Variants in TTLL7 observed in about 807,000 individuals in gnomAD.
The protein encoded by TTLL7 is tubulin tyrosine ligase like 7.
Under a neutral mutation model 120.2 loss-of-function variants are expected in TTLL7, and 53 were observed. That is an observed-to-expected ratio of 0.44 (90% CI 0.35 to 0.55). The LOEUF is 0.55. TTLL7 is among the 20% of genes least tolerant of loss of function. TTLL7 has a pLI of 0.00. For synonymous variants in TTLL7, 353 were observed against 351.7 expected, an observed-to-expected ratio of 1.00 and a Z score of -0.04; for missense variants, 803 against 1,054.7, an observed-to-expected ratio of 0.76 and a Z score of 3.31.
chr1:83,892,447 A>AACATAT (rs1557564118), intron 18 of TTLL7, among the ~76,000 whole-genome samples: 1 of 56,520 alleles, frequency 1.8e-5, no homozygotes, highest in African/African-American at 9.1e-5. Flanking sequence ...TGAACATATG[A>AACATAT]ATGAACATAT....
chr1:83,885,323 T>C (rs1654886319), intron 19 of TTLL7, among the ~76,000 whole-genome samples: 1 of 152,050 alleles, frequency 6.6e-6, no homozygotes, highest in African/African-American at 2.4e-5. Flanking sequence ...TCTGGAGCTA[T>C]TTGATCAGAT....
At chr1:83,988,702 G>A (rs369243147) in intron 1 of TTLL7, among the ~76,000 whole-genome samples, 3 of 151,700 alleles carry the variant, frequency 2.0e-5, no homozygotes, top group South Asian at 2.1e-4. Flanking sequence ...GTGTCTGTTC[G>A]TGTCTTTGGC....
intron 19 of TTLL7, among the ~76,000 whole-genome samples, chr1:83,885,752 C>G (rs912509445): frequency 6.6e-6 from 1 of 152,090 alleles, no homozygotes; most frequent in Non-Finnish European, 1.5e-5. Flanking sequence ...CTACCTGCCA[C>G]CTGGCATAGC....
chr1:83,913,791 C>A (rs896195387), intron 14 of TTLL7, among the ~76,000 whole-genome samples: 9 of 143,574 alleles, frequency 6.3e-5, no homozygotes, highest in African/African-American at 2.2e-4. Flanking sequence ...AAAGTGAATT[C>A]TTCTTCCTCC....
At position 83,914,427 on chromosome 1, in the gene TTLL7, G is replaced by A. The variant is rs6669177; in HGVS notation, c.1588-3064C>T. Reference sequence around the variant, plus strand: ...GCTCATTGCAACCTCTGCCTCCCACGTTCAAGCAATTCTCCTGCTTCAGCC... The same window carrying A: ...GCTCATTGCAACCTCTGCCTCCCACATTCAAGCAATTCTCCTGCTTCAGCC... On this transcript the variant is annotated intron_variant, in intron 14 of 20. Coordinates refer to ENST00000260505, the MANE Select transcript of TTLL7 (RefSeq NM_024686.6). 8.0e-3 allele frequency among the ~76,000 whole-genome samples: 1,080 copies of A among 135,038 alleles called. 21 individuals carry two copies. Among genetic ancestry groups the A allele is most frequent in the African/African-American group, 0.028 (1,031 of 36,184 alleles). 88.6% of individuals were successfully genotyped at this position (135,038 alleles called of 152,430 possible).
rs192270074 is a variant in TTLL7, at chr1:83,875,307, T to A, written c.2544-5225A>T. On this transcript the variant is annotated intron_variant, in intron 20 of 20. Coordinates refer to ENST00000260505, the MANE Select transcript of TTLL7 (RefSeq NM_024686.6). ...GACACAATATATATTCCTTTGTATCTGGCTTATTTTGCTTAACTTTATGTT... is the reference window on the plus strand; with the variant it reads ...GACACAATATATATTCCTTTGTATCAGGCTTATTTTGCTTAACTTTATGTT... Among the ~76,000 whole-genome samples, 295 of 152,124 alleles carry A rather than the reference T, an allele frequency of 1.9e-3. 1 individual carries two copies. Among genetic ancestry groups the A allele is most frequent in the Non-Finnish European group, 3.2e-3 (218 of 67,870 alleles).
chr1:83,946,272 C>G (rs6685344), intron 6 of TTLL7: 65,536 of 151,882 alleles, frequency 0.43, 15,589 homozygotes, highest in Non-Finnish European at 0.54. Context: ...AGGATGGTCT[C>G]GATCTCCTGT....
chr1:83,901,294 T>A (rs375036973), intron 18 of TTLL7, among the ~76,000 whole-genome samples: 1 of 151,984 alleles, frequency 6.6e-6, no homozygotes, highest in Non-Finnish European at 1.5e-5. Flanking sequence ...TTTTTAATAT[T>A]TTCTTTTTTA....
At chr1:83,914,576 T>C (rs1476111209) in intron 14 of TTLL7, among the ~76,000 whole-genome samples, 2 of 152,072 alleles carry the variant, frequency 1.3e-5, no homozygotes, top group Non-Finnish European at 2.9e-5. Flanking sequence ...GTGATCCGCC[T>C]GCCTTGGCCT....
intron 1 of TTLL7, among the ~76,000 whole-genome samples, chr1:83,989,385 A>T (rs757858453): frequency 6.6e-6 from 1 of 152,148 alleles, no homozygotes; most frequent in Non-Finnish European, 1.5e-5. Flanking sequence ...TTTTCTGCAT[A>T]TGGCTAGCCA....
chr1:83,967,832 G>A (rs926281164), intron 1 of TTLL7, among the ~76,000 whole-genome samples: 1 of 151,826 alleles, frequency 6.6e-6, no homozygotes, highest in African/African-American at 2.4e-5. Context: ...GCTGGAATGA[G>A]GAGTTCAGCA....
chr1:83,981,951 C>A (rs6687372), intron 1 of TTLL7, among the ~76,000 whole-genome samples: 4 of 151,910 alleles, frequency 2.6e-5, no homozygotes, highest in Admixed American at 2.0e-4. Flanking sequence ...TACCATCAAC[C>A]AGTAGGCTAT....
chr1:83,975,078 C>G (rs1337785933), intron 1 of TTLL7, among the ~76,000 whole-genome samples: 1 of 152,064 alleles, frequency 6.6e-6, no homozygotes, highest in Non-Finnish European at 1.5e-5. Flanking sequence ...GTGCCTATTA[C>G]ATAGTGAGCA....
intron 1 of TTLL7, among the ~76,000 whole-genome samples, chr1:83,993,554 G>A (rs1413273787): frequency 6.6e-6 from 1 of 152,132 alleles, no homozygotes; most frequent in Non-Finnish European, 1.5e-5. Context: ...GAAAGCTCAG[G>A]TGCTACAGCA....
intron 6 of TTLL7, among the ~76,000 whole-genome samples, chr1:83,943,416 C>T (rs1294064712): frequency 1.3e-5 from 2 of 152,124 alleles, no homozygotes; most frequent in Non-Finnish European, 2.9e-5. Flanking sequence ...TCTGTACAAG[C>T]AGGAAGTTAA....
intron 1 of TTLL7, among the ~76,000 whole-genome samples, chr1:83,971,455 C>A (rs927339701): frequency 1.3e-5 from 2 of 152,032 alleles, no homozygotes; most frequent in African/African-American, 2.4e-5. Context: ...TTATATTGTT[C>A]ATCTGTTGTA....
At chr1:83,892,911 GA>G (rs779305877) in intron 18 of TTLL7, among the ~76,000 whole-genome samples, 13 of 40,934 alleles carry the variant, frequency 3.2e-4, no homozygotes, top group African/African-American at 1.9e-3. Context: ...GAAGGAAAAA[GA>G]AAAAAGAAAG....
At chr1:83,919,177 A>T (rs765748267) in intron 13 of TTLL7, among the ~76,000 whole-genome samples, 2 of 151,994 alleles carry the variant, frequency 1.3e-5, no homozygotes, top group Non-Finnish European at 2.9e-5. Flanking sequence ...CCACGATTGC[A>T]GAGTAATGAG....
chr1:83,971,555 C>T (rs1195097952), intron 1 of TTLL7, among the ~76,000 whole-genome samples: 2 of 151,926 alleles, frequency 1.3e-5, no homozygotes, highest in African/African-American at 4.8e-5. Flanking sequence ...GGTTCACATC[C>T]CCAGGATGCC....
Sources: gnomAD v4.1 joint callset for allele counts (sites outside exome capture counted in the v4.1 genomes callset) on GRCh38, gnomAD v4.1.1 for gene constraint, MANE v1.5 for transcripts, NCBI Gene and HGNC (gene_info 2026-07-23, HGNC 2026-07-21) for gene names.